Variants in ATP1A3 observed in about 807,000 individuals in gnomAD.
ATP1A3 encodes sodium/potassium-transporting ATPase subunit alpha-3.
ATP1A3 carries 12 observed loss-of-function variants against 108.8 expected under a neutral mutation model. That is an observed-to-expected ratio of 0.11 (90% CI 0.07 to 0.18). ATP1A3 has a LOEUF of 0.18. Among genes scored for constraint, ATP1A3 ranks in the 10% least tolerant of loss-of-function variants. The probability of loss-of-function intolerance (pLI) is 1.00; values close to 1 mark genes in which losing one functional copy is unlikely to be tolerated. For synonymous variants in ATP1A3, 539 were observed against 564.5 expected, an observed-to-expected ratio of 0.95 and a Z score of 0.64; for missense variants, 498 against 1,387.7, an observed-to-expected ratio of 0.36 and a Z score of 10.19.
intron 14 of ATP1A3, among the ~76,000 whole-genome samples, chr19:41,977,483 C>T (rs1008336391): frequency 2.7e-5 from 4 of 148,350 alleles, no homozygotes; most frequent in South Asian, 4.3e-4. Flanking sequence ...GTCAGGAGTT[C>T]GAGACCAGCC....
rs782151853 is a variant in ATP1A3 at position 41,969,570 on chromosome 19, C to T, written c.2553G>A (p.Gln851=). 6.2e-7 allele frequency: 1 copy of T among 1,613,788 alleles called. No homozygotes were observed. The highest frequency in any genetic ancestry group is 1.3e-5 in the African/African-American group (1 of 74,932). The stretch of plus-strand genomic sequence containing the variant: ...AGTAAGAGAAGAAGCCACCGAGAGC[C>T]TGGATCATTCCTGGAAGGAGGAGAG... ...SMAYGQIGMI[Q]ALGGFFSYFV... The change falls in exon 19 of 23, where the codon CAG becomes CAA. Residue 851 remains glutamine, a synonymous_variant. Coordinates refer to ENST00000648268, the MANE Select transcript of ATP1A3 (RefSeq NM_152296.5).
chr19:41,982,878 G>T (rs1482050184), intron 8 of ATP1A3, among the ~76,000 whole-genome samples: 1 of 152,142 alleles, frequency 6.6e-6, no homozygotes, highest in Non-Finnish European at 1.5e-5. Flanking sequence ...CCAGATCAGG[G>T]GTTACCCTTG....
Position 41,978,934 on chromosome 19 carries a change from G to T in ATP1A3, c.1438-136C>A. The T allele has an allele frequency of 1.4e-6, 1 of 721,882 alleles. No individual in the cohort carries two copies. The highest frequency in any genetic ancestry group is 1.8e-5 in the South Asian group (1 of 57,022). 44.7% of individuals were successfully genotyped at this position (721,882 alleles called of 1,614,324 possible). A position where few individuals can be genotyped will look rare whatever the true frequency, so the allele number is the denominator to read the frequency against. ...GGGCTCCCCCACACTCTCTCACAGAGACCTCTGCTCATTCCTGTCCGCTCT... is the reference window on the plus strand; with the variant it reads ...GGGCTCCCCCACACTCTCTCACAGATACCTCTGCTCATTCCTGTCCGCTCT... On this transcript the variant is annotated intron_variant, in intron 11 of 22. Transcript: ENST00000648268. This position sits in a 1 kb window ranked among gnomAD's most constrained non-coding sequence, Gnocchi z 8.3.
intron 18 of ATP1A3, 140 bp downstream of exon 18, chr19:41,970,045 C>A (rs188852917): frequency 3.0e-5 from 42 of 1,399,232 alleles, no homozygotes; most frequent in African/African-American, 1.1e-4. Flanking sequence ...GCAGACCCCC[C>A]CCACAGATAG....
intron 1 of ATP1A3, among the ~76,000 whole-genome samples, chr19:41,990,227 T>A (rs2075323882): frequency 6.6e-6 from 1 of 151,212 alleles, no homozygotes; most frequent in South Asian, 2.1e-4. Context: ...CTCTAATATC[T>A]CTCTCTGGGA....
At position 41,969,552 on chromosome 19, in the gene ATP1A3, G is replaced by A; in HGVS notation, c.2571C>T (p.Phe857=). ...TTTCTGCCAGGATCACAAAGTAAGA[G>A]AAGAAGCCACCGAGAGCCTGGATCA... The part of the protein sequence containing the change: ...IGMIQALGGF[F]SYFVILAENG... Residue 857 remains phenylalanine (F), a synonymous_variant, in exon 19 of 23, where the codon TTC becomes TTT. Transcript: ENST00000648268. 6.2e-7 allele frequency: 1 copy of A among 1,613,306 alleles called. No individual in the cohort carries two copies. The highest frequency in any genetic ancestry group is 8.5e-7 in the Non-Finnish European group (1 of 1,179,732).
At chr19:41,977,865 G>A (rs1404086081) in intron 14 of ATP1A3, 71 bp downstream of exon 14, 10 of 1,582,124 alleles carry the variant, frequency 6.3e-6, no homozygotes, top group East Asian at 2.2e-5. Context: ...AGGGAGGTTG[G>A]GGGGAAGCGG....
chr19:41,967,223 T>A lies in ATP1A3; in HGVS notation c.3013+26A>T, dbSNP rs1555858809. On this transcript the variant is annotated intron_variant, in intron 22 of 22. Transcript: ENST00000648268. This position sits in a 1 kb window ranked among gnomAD's most constrained non-coding sequence, Gnocchi z 4.2. ...GAGACCCTGCTGCCCCCCGCCCCCC[T>A]CGGCTGCCTTGCCGAGCTCCCTCAC... 1 of 1,613,170 alleles carries A rather than the reference T, an allele frequency of 6.2e-7. No individual in the cohort carries two copies. Among genetic ancestry groups the A allele is most frequent in the Non-Finnish European group, 8.5e-7 (1 of 1,179,442 alleles).
In ATP1A3 at chr19:41,975,784, G is replaced by C. The variant is rs1180657016; in HGVS notation, c.2108C>G (p.Ala703Gly). 1 of 1,613,926 alleles carries C rather than the reference G, an allele frequency of 6.2e-7. No homozygotes were observed. Among genetic ancestry groups the C allele is most frequent in the Non-Finnish European group, 8.5e-7 (1 of 1,179,978 alleles). ...EGCQRQGAIV[A>G]VTGDGVNDSP... ...GTCGTTCACACCATCCCCGGTCACA[G>C]CCACAATTGCACCCTGGAGGGAGAG... Residue 703 changes from alanine (A) to glycine (G), a missense_variant, in exon 16 of 23, where the codon GCT becomes GGT. Physicochemically the swap from Ala to Gly is moderately conservative, Grantham distance 60 (BLOSUM62 0). Coordinates refer to ENST00000648268, the MANE Select transcript of ATP1A3 (RefSeq NM_152296.5).
At position 41,988,769 on chromosome 19, in the gene ATP1A3, CTCTCAGGCCTCGTGAG is replaced by C. The variant is rs1248270485; in HGVS notation, c.7-223_7-208del. Among the ~76,000 whole-genome samples, 9 of 152,200 alleles carry C rather than the reference CTCTCAGGCCTCGTGAG, an allele frequency of 5.9e-5. No individual in the cohort carries two copies. The highest frequency in any genetic ancestry group is 2.2e-4 in the African/African-American group (9 of 41,516). On this transcript the variant is annotated intron_variant, in intron 1 of 22. Transcript: ENST00000648268. This position sits in a 1 kb window ranked among gnomAD's most constrained non-coding sequence, Gnocchi z 5.3. ...TTCACCTCCCTTCTGCCTCTGGTGACTCTCAGGCCTCGTGAGTCTCATCTGCTGCAATCAGCTTCCC... is the reference window on the plus strand; with the variant it reads ...TTCACCTCCCTTCTGCCTCTGGTGACTCTCATCTGCTGCAATCAGCTTCCC...
intron 16 of ATP1A3, among the ~76,000 whole-genome samples, chr19:41,970,824 G>A (rs541867485): frequency 1.3e-5 from 2 of 151,436 alleles, no homozygotes; most frequent in South Asian, 4.2e-4. Context: ...ATTAGAGACG[G>A]GGTTTCACTG....
rs782653272 is a variant in ATP1A3 at position 41,968,773 on chromosome 19, C to T, written c.2819+12G>A. On this transcript the variant is annotated intron_variant, in intron 20 of 22. Coordinates refer to ENST00000648268, the MANE Select transcript of ATP1A3 (RefSeq NM_152296.5). This position sits in a 1 kb window ranked among gnomAD's most constrained non-coding sequence, Gnocchi z 5.0. ...GATGGCTGTCCAGTCACCATGTGCC[C>T]CCGGCCCTCACTTCATGCCCTGCTG... is the stretch of plus-strand genomic sequence containing the variant. The T allele has an allele frequency of 4.1e-5, 66 of 1,613,774 alleles. No homozygotes were observed. In the Middle Eastern group the frequency reaches 6.6e-4, roughly 16 times the overall value.
Position 41,981,740 on chromosome 19 carries a change from G to C in ATP1A3, c.1284C>G (p.Asp428Glu). The change falls in exon 10 of 23, where the codon GAC (aspartate) becomes GAG (glutamate). Residue 428 changes from aspartate (D) to glutamate (E), a missense_variant. Coordinates refer to ENST00000648268, the MANE Select transcript of ATP1A3 (RefSeq NM_152296.5). This position sits in a 1 kb window ranked among gnomAD's most constrained non-coding sequence, Gnocchi z 5.0. The stretch of plus-strand genomic sequence containing the variant: ...AACCCACCTTGAGCACAGGGATGTT[G>C]TCCTGACCACCCTTGAAGACAGCGC... Reference protein sequence around the residue: ...CNRAVFKGGQDNIPVLKRDVA... With the variant: ...CNRAVFKGGQENIPVLKRDVA... 6.2e-7 allele frequency: 1 copy of C among 1,614,240 alleles called. No homozygotes were observed. The highest frequency in any genetic ancestry group is 1.1e-5 in the South Asian group (1 of 91,090).
chr19:41,986,095 C>T (rs1226948371), intron 5 of ATP1A3, 21 bp downstream of exon 5: 11 of 1,614,034 alleles, frequency 6.8e-6, no homozygotes, highest in Non-Finnish European at 9.3e-6. Context: ...CCCGTCTGGC[C>T]CCTTGCTGGG....
Position 41,985,569 on chromosome 19 carries a change from GC to G in ATP1A3, c.607-147del. Reference sequence around the variant, plus strand: ...CCAGTGGGTGAGTGGTGTGTGGGAGGCCAGAGGCTGGGATCTTGAAGGTGGG... The same window carrying G: ...CCAGTGGGTGAGTGGTGTGTGGGAGGCAGAGGCTGGGATCTTGAAGGTGGG... On this transcript the variant is annotated intron_variant, in intron 6 of 22. Transcript: ENST00000648268. The surrounding 1 kb of genome is among the most constrained non-coding windows in gnomAD (Gnocchi z 8.2). 1 of 903,694 alleles carries G rather than the reference GC, an allele frequency of 1.1e-6. No homozygotes were observed. The highest frequency in any genetic ancestry group is 1.8e-6 in the Non-Finnish European group (1 of 568,544). 56.0% of individuals were successfully genotyped at this position (903,694 alleles called of 1,614,324 possible).
chr19:41,979,689 A>G (rs1435353811), intron 11 of ATP1A3, among the ~76,000 whole-genome samples: 1 of 151,766 alleles, frequency 6.6e-6, no homozygotes, highest in Non-Finnish European at 1.5e-5. Context: ...TAGGGCTGGG[A>G]GTGTCGGGGA....
In ATP1A3 at chr19:41,978,810, T is replaced by C; in HGVS notation, c.1438-12A>G. The C allele has an allele frequency of 6.2e-7, 1 of 1,613,382 alleles. No individual in the cohort carries two copies. Among genetic ancestry groups the C allele is most frequent in the Non-Finnish European group, 8.5e-7 (1 of 1,179,644 alleles). ...TCATGGATGGAGAGCTGGGGACCGA[T>C]CAGAGGGTGGCGTGCCTGAGCCACG... On this transcript the variant is annotated splice_polypyrimidine_tract_variant and intron_variant, in intron 11 of 22. Transcript: ENST00000648268. The surrounding 1 kb of genome is among the most constrained non-coding windows in gnomAD (Gnocchi z 8.3).
intron 1 of ATP1A3, among the ~76,000 whole-genome samples, chr19:41,989,097 G>A (rs944942351): frequency 3.3e-5 from 5 of 151,960 alleles, no homozygotes; most frequent in Admixed American, 6.6e-5. Context: ...GTGCCACCAC[G>A]CCCGGCTAAT....
In ATP1A3 at chr19:41,987,969, C is replaced by T. The variant is rs1555865986; in HGVS notation, c.324G>A (p.Gln108=). 2 of 1,614,100 alleles carry T rather than the reference C, an allele frequency of 1.2e-6. No individual in the cohort carries two copies. The highest frequency in any genetic ancestry group is 8.5e-7 in the Non-Finnish European group (1 of 1,180,032). Residue 108 remains glutamine (Q), a synonymous_variant, in exon 4 of 23, where the codon CAG becomes CAA. Coordinates refer to ENST00000648268, the MANE Select transcript of ATP1A3 (RefSeq NM_152296.5). The part of the protein sequence containing the change: ...AILCFLAYGI[Q]AGTEDDPSGD... Reference sequence around the variant, plus strand: ...CAGAGGGGTCGTCCTCGGTGCCCGCCTGGATACCGTAGGCCAGGAAGCAGA... The same window carrying T: ...CAGAGGGGTCGTCCTCGGTGCCCGCTTGGATACCGTAGGCCAGGAAGCAGA...
Sources: allele counts gnomAD v4.1 joint callset (sites outside exome capture counted in the v4.1 genomes callset), GRCh38; gene constraint gnomAD v4.1.1; non-coding constraint Gnocchi (gnomAD v3.1); transcripts MANE v1.5; gene names NCBI Gene and HGNC (gene_info 2026-07-23, HGNC 2026-07-21).